PITPNM3: variants seen among roughly 807,000 people sequenced by gnomAD.
PITPNM3 encodes the protein PITPNM family member 3, also known as membrane-associated phosphatidylinositol transfer protein 3.
PITPNM3 carries 26 observed loss-of-function variants against 102.0 expected under a neutral mutation model. The ratio of observed to expected loss-of-function variants is 0.25; its 90% CI spans 0.19 to 0.35. The LOEUF is 0.35. Ranked by LOEUF, PITPNM3 falls within the 10% of genes least tolerant of loss-of-function variation. The pLI, the probability that PITPNM3 is intolerant of heterozygous loss-of-function variation, is 1.00. For missense variants in PITPNM3, 1,083 were observed against 1,346.1 expected (o/e 0.80, Z 3.06); for synonymous variants, 578 against 558.6 (o/e 1.03, Z -0.49).
At chr17:6,492,579 A>C (rs1906558326) in intron 4 of PITPNM3, among the ~76,000 whole-genome samples, 1 of 152,160 alleles carries the variant, frequency 6.6e-6, no homozygotes, top group Non-Finnish European at 1.5e-5. Flanking sequence ...ACTCGAGGCT[A>C]GGCGCCATGG....
Position 6,461,464 on chromosome 17 carries a change from T to C in PITPNM3, c.2399A>G (p.Asn800Ser). Residue 800 changes from asparagine to serine, a missense_variant, in exon 18 of 20, where the codon AAC becomes AGC. Asn to Ser is a conservative substitution (Grantham distance 46). Around this residue, in one of 5 missense-constraint regions of PITPNM3, gnomAD observed 410 missense variants for 638.4 expected, o/e 0.64. Transcript: ENST00000262483. ...QRVVSWLSQH[N>S]FPQGMIFFSD... The stretch of plus-strand genomic sequence containing the variant: ...GAAGAAGATCATGCCCTGTGGGAAG[T>C]TGTGCTGGGACAGCCACGACACCAC... The C allele has an allele frequency of 1.2e-6, 2 of 1,614,118 alleles. No homozygotes were observed. The highest frequency in any genetic ancestry group is 2.2e-5 in the East Asian group (1 of 44,872).
Position 6,472,881 on chromosome 17 carries a change from G to C in PITPNM3, c.1259-54C>G. ...CCACTTTCTAGTACCTGCTCCCTGG[G>C]CCCTAGGAGGCTCCCTGGAATGCAG... On this transcript the variant is annotated intron_variant, in intron 10 of 19. Transcript: ENST00000262483. The surrounding 1 kb of genome is among the most constrained non-coding windows in gnomAD (Gnocchi z 4.1). 1 of 1,593,994 alleles carries C rather than the reference G, an allele frequency of 6.3e-7. No individual in the cohort carries two copies. The highest frequency in any genetic ancestry group is 8.6e-7 in the Non-Finnish European group (1 of 1,167,008).
chr17:6,464,837 A>C (rs1407220799), intron 14 of PITPNM3, 66 bp from the exon 15 acceptor site: 2 of 1,443,804 alleles, frequency 1.4e-6, no homozygotes, highest in Non-Finnish European at 1.9e-6. Context: ...TTATCATTGC[A>C]GTGTTCCTCA....
Position 6,453,005 on chromosome 17 carries a change from T to TCC in PITPNM3, c.*2332_*2333insGG, listed in dbSNP as rs1913923498. The TCC allele has an allele frequency of 2.6e-5, 1 of 38,818 alleles. No homozygotes were observed. The highest frequency in any genetic ancestry group is 7.0e-5 in the African/African-American group (1 of 14,232). The allele number at this position is 38,818 out of a possible 1,614,324, so 2.4% of individuals were successfully genotyped here. On this transcript the variant is annotated 3_prime_UTR_variant, in exon 20 of 20. Coordinates refer to ENST00000262483, the MANE Select transcript of PITPNM3 (RefSeq NM_031220.4). Reference sequence around the variant, plus strand: ...CTCTCTCTCTCTCTGTCTTCCTTTCTCTCTCTCTCTCTCTCTCTGCCTTCC... The same window carrying TCC: ...CTCTCTCTCTCTCTGTCTTCCTTTCTCCCTCTCTCTCTCTCTCTCTGCCTTCC...
At chr17:6,511,317 A>G (rs1907851333) in intron 3 of PITPNM3, among the ~76,000 whole-genome samples, 1 of 152,172 alleles carries the variant, frequency 6.6e-6, no homozygotes. Flanking sequence ...AAAGATGGTA[A>G]ACTGACTACA....
chr17:6,518,674 G>T (rs1908319905), intron 3 of PITPNM3, among the ~76,000 whole-genome samples: 1 of 152,146 alleles, frequency 6.6e-6, no homozygotes, highest in Non-Finnish European at 1.5e-5. Context: ...ATTAATAAAA[G>T]TAAGAGCTAT....
intron 4 of PITPNM3, among the ~76,000 whole-genome samples, chr17:6,485,404 C>G (rs1906029629): frequency 6.6e-6 from 1 of 152,010 alleles, no homozygotes; most frequent in Non-Finnish European, 1.5e-5. Flanking sequence ...GTGATCCGCC[C>G]ACCTCGGCCT....
chr17:6,493,418 C>T (rs2150594626), intron 4 of PITPNM3, among the ~76,000 whole-genome samples: 1 of 152,272 alleles, frequency 6.6e-6, no homozygotes, highest in Admixed American at 6.5e-5. Flanking sequence ...GAGGGCAAAG[C>T]CAGGACAAAT....
chr17:6,485,562 A>G (rs1906043220), intron 4 of PITPNM3, among the ~76,000 whole-genome samples: 2 of 152,240 alleles, frequency 1.3e-5, no homozygotes, highest in African/African-American at 2.4e-5. Flanking sequence ...ATCTGTTTGA[A>G]GTTAACAGAG....
At chr17:6,490,961 C>A (rs1416081555) in intron 4 of PITPNM3, among the ~76,000 whole-genome samples, 2 of 95,906 alleles carry the variant, frequency 2.1e-5, no homozygotes, top group Non-Finnish European at 2.0e-5. Context: ...GACTCTGTCA[C>A]CAAAAAAAAA....
In PITPNM3 at chr17:6,493,914, TGAATCGG is replaced by T. The variant is rs1459325647; in HGVS notation, c.274+9606_274+9612del. 4.6e-5 allele frequency among the ~76,000 whole-genome samples: 7 copies of T among 152,356 alleles called. No individual in the cohort carries two copies. The South Asian group carries it at 6.2e-4, about 14-fold the overall frequency. ...CCAGTTCAGATCAGAGGTGCCATCC[TGAATCGG>T]GCCCAGTGAAATTTCCAGGTATACA... On this transcript the variant is annotated intron_variant, in intron 4 of 19. Transcript: ENST00000262483.
chr17:6,534,470 A>G (rs1909305541), intron 2 of PITPNM3, among the ~76,000 whole-genome samples: 1 of 152,182 alleles, frequency 6.6e-6, no homozygotes, highest in African/African-American at 2.4e-5. Flanking sequence ...TTGCCAGGCC[A>G]AAGGGTTGGG....
rs1908823010 is a variant in PITPNM3, at chr17:6,526,161, C to G, written c.119-698G>C. Among the ~76,000 whole-genome samples the G allele has an allele frequency of 1.3e-5, 2 of 152,156 alleles. 1 individual carries two copies. Among genetic ancestry groups the G allele is most frequent in the South Asian group, 4.1e-4 (2 of 4,828 alleles). On this transcript the variant is annotated intron_variant, in intron 2 of 19. Transcript: ENST00000262483. ...ATTCTCTCCCACTCCTCCCCTCAAC[C>G]CTGTCTCTATCCTTGTTCTTTCCTT...
intron 4 of PITPNM3, among the ~76,000 whole-genome samples, chr17:6,499,343 C>A (rs369080887): frequency 1.3e-5 from 2 of 152,224 alleles, no homozygotes; most frequent in Non-Finnish European, 2.9e-5. Flanking sequence ...CTCATACCTG[C>A]GCATGCCTGA....
chr17:6,520,126 T>C (rs1221181437), intron 3 of PITPNM3, among the ~76,000 whole-genome samples: 1 of 152,162 alleles, frequency 6.6e-6, no homozygotes, highest in South Asian at 2.1e-4. Context: ...TCAATCTCAC[T>C]AGAAACTGGG....
chr17:6,522,524 A>T (rs975080738), intron 3 of PITPNM3, among the ~76,000 whole-genome samples: 3 of 152,178 alleles, frequency 2.0e-5, no homozygotes, highest in African/African-American at 7.2e-5. Flanking sequence ...GTTACCAAAA[A>T]TGCGAGTGTG....
At chr17:6,526,823 A>C (rs1270842518) in intron 2 of PITPNM3, among the ~76,000 whole-genome samples, 3 of 152,280 alleles carry the variant, frequency 2.0e-5, no homozygotes, top group African/African-American at 7.2e-5. Context: ...GCCCAAGGTC[A>C]CTGGCTAGAG....
In PITPNM3 at chr17:6,457,377, C is replaced by T. The variant is rs1914158998; in HGVS notation, c.2619+217G>A. Among the ~76,000 whole-genome samples, 1 of 152,260 alleles carries T rather than the reference C, an allele frequency of 6.6e-6. No homozygotes were observed. Among genetic ancestry groups the T allele is most frequent in the South Asian group, 2.1e-4 (1 of 4,832 alleles). ...CAAATGTGTCCATCTCGCCACTACA[C>T]TGAAGTTCATTGCATCTGGCTCCAC... On this transcript the variant is annotated intron_variant, in intron 19 of 19. Transcript: ENST00000262483. The surrounding 1 kb of genome is among the most constrained non-coding windows in gnomAD (Gnocchi z 4.7).
chr17:6,487,890 A>G (rs1567672970), intron 4 of PITPNM3, among the ~76,000 whole-genome samples: 1 of 152,186 alleles, frequency 6.6e-6, no homozygotes, highest in Admixed American at 6.5e-5. Flanking sequence ...TGTCCTCAGT[A>G]TCCCTCACTC....
Sources: allele counts gnomAD v4.1 joint callset (sites outside exome capture counted in the v4.1 genomes callset), GRCh38; gene constraint gnomAD v4.1.1; regional missense constraint gnomAD v4.1.1; non-coding constraint Gnocchi (gnomAD v3.1); transcripts MANE v1.5; gene names NCBI Gene and HGNC (gene_info 2026-07-23, HGNC 2026-07-21).